Variants in ZNF682 observed in about 807,000 individuals in gnomAD.
The protein encoded by ZNF682 is zinc finger protein 682.
ZNF682 carries 29 observed loss-of-function variants against 36.5 expected under a neutral mutation model. That is an observed-to-expected ratio of 0.80 (90% confidence interval 0.59 to 1.08). The LOEUF (loss-of-function observed/expected upper bound fraction) is 1.08, where lower values mean the gene tolerates loss of function less well. Ranked by LOEUF, ZNF682 falls within the 50% of genes least tolerant of loss-of-function variation. The probability of loss-of-function intolerance (pLI) is 0.00; values close to 1 mark genes in which losing one functional copy is unlikely to be tolerated. For synonymous variants in ZNF682, 180 were observed against 197.0 expected (o/e 0.91, Z 0.72); for missense variants, 561 against 579.7 (o/e 0.97, Z 0.33).
chr19:20,000,583 T>C (rs538685645), downstream of ZNF682, among the ~76,000 whole-genome samples: 155 of 152,314 alleles, frequency 1.0e-3, 1 homozygote, highest in African/African-American at 3.4e-3. Flanking sequence ...GTTGAAACTC[T>C]TGTGGGTCTG....
intron 3 of ZNF682, among the ~76,000 whole-genome samples, chr19:20,013,832 G>A (rs1021009057): frequency 2.6e-5 from 4 of 152,134 alleles, no homozygotes; most frequent in Admixed American, 1.3e-4. Context: ...CGCCTGCATC[G>A]GCCTCCCAAA....
chr19:20,014,074 A>G (rs1041052399), intron 3 of ZNF682, among the ~76,000 whole-genome samples: 3 of 152,230 alleles, frequency 2.0e-5, no homozygotes, highest in African/African-American at 7.2e-5. Context: ...GTTCAGATTC[A>G]ATGCAATCCC....
intron 1 of ZNF682, among the ~76,000 whole-genome samples, chr19:20,035,298 T>A (rs1236742269): frequency 2.0e-5 from 3 of 152,176 alleles, no homozygotes; most frequent in Non-Finnish European, 4.4e-5. Context: ...TGATCTTGGC[T>A]TACTGCAACC....
intron 3 of ZNF682, among the ~76,000 whole-genome samples, chr19:20,014,959 C>A (rs1038498382): frequency 6.6e-6 from 1 of 151,992 alleles, no homozygotes; most frequent in Non-Finnish European, 1.5e-5. Flanking sequence ...AAGGGTCAGT[C>A]AAGGGGGAAA....
In ZNF682 at chr19:20,006,472, C is replaced by A; in HGVS notation, c.1030G>T (p.Glu344Ter). 6.2e-7 allele frequency: 1 copy of A among 1,614,030 alleles called. No homozygotes were observed. The highest frequency in any genetic ancestry group is 8.5e-7 in the Non-Finnish European group (1 of 1,180,010). ...THTGEKPYKCEECGKAFNSSS... is the reference protein window; with the variant it reads ...THTGEKPYKC ...GAGTTAAAAGCTTTGCCACATTCTT[C>A]ACATTTATAGGGTTTCTCTCCCGTA... Residue 344 changes from glutamate (E) to a stop codon, truncating the protein, a stop_gained, in exon 4 of 4, where the codon GAA (glutamate) becomes TAA (stop). Transcript: ENST00000397165. LOFTEE classifies it high-confidence loss of function.
chr19:20,005,284 C>G lies in ZNF682; in HGVS notation c.*721G>C, dbSNP rs140310616. ...TAGAGACAGGGTTTCATCGTGGTCT[C>G]GATCTCCTGACCTCGTGATCCGCCT... On this transcript the variant is annotated 3_prime_UTR_variant, in exon 4 of 4. Coordinates refer to ENST00000397165, the MANE Select transcript of ZNF682 (RefSeq NM_033196.3). 1 of 152,064 alleles carries G rather than the reference C, an allele frequency of 6.6e-6. No homozygotes were observed. The highest frequency in any genetic ancestry group is 1.5e-5 in the Non-Finnish European group (1 of 68,050). 9.4% of individuals were successfully genotyped at this position (152,064 alleles called of 1,614,324 possible).
At chr19:20,007,867 G>A (rs1568538368) in intron 3 of ZNF682, 1 of 153,316 alleles carries the variant, frequency 6.5e-6, no homozygotes, top group Admixed American at 6.5e-5. Flanking sequence ...CTTGCACTGA[G>A]GGGATCCATC....
chr19:20,039,155 T>TCC lies in ZNF682; in HGVS notation c.3+186_3+187dup. ...AACGGAACGGGATGCCCGCCCAGGGTCCCGGCTGCTGGCCCACCTCGCATC... is the reference window on the plus strand; with the variant it reads ...AACGGAACGGGATGCCCGCCCAGGGTCCCCCGGCTGCTGGCCCACCTCGCATC... On this transcript the variant is annotated intron_variant, in intron 1 of 3. Coordinates refer to ENST00000397165, the MANE Select transcript of ZNF682 (RefSeq NM_033196.3). The TCC allele has an allele frequency of 4.3e-6, 6 of 1,397,806 alleles. No individual in the cohort carries two copies. In the South Asian group the frequency reaches 9.8e-5, roughly 23 times the overall value. 86.6% of individuals were successfully genotyped at this position (1,397,806 alleles called of 1,614,324 possible). A position where few individuals can be genotyped will look rare whatever the true frequency, so the allele number is the denominator to read the frequency against.
At chr19:19,999,663 T>C (rs182546835), downstream of ZNF682, among the ~76,000 whole-genome samples, 124 of 152,188 alleles carry the variant, frequency 8.1e-4, 1 homozygote, top group Admixed American at 1.4e-3. Flanking sequence ...GCCTTCTGAG[T>C]AGCTGAAGTT....
At chr19:19,995,188 TAATATAATAAGCAAATC>T (rs763945471), downstream of ZNF682, among the ~76,000 whole-genome samples, 124 of 152,076 alleles carry the variant, frequency 8.2e-4, no homozygotes, top group Non-Finnish European at 1.5e-3. Context: ...AATAAACAAA[TAATATAATAAGCAAATC>T]AATATAATAA....
intron 1 of ZNF682, among the ~76,000 whole-genome samples, chr19:20,036,260 A>C (rs187218246): frequency 6.6e-6 from 1 of 152,142 alleles, no homozygotes; most frequent in Non-Finnish European, 1.5e-5. Flanking sequence ...CCAGATACTG[A>C]AGAGATACCC....
At chr19:20,027,110 T>G (rs902808523) in intron 1 of ZNF682, among the ~76,000 whole-genome samples, 1 of 152,334 alleles carries the variant, frequency 6.6e-6, no homozygotes, top group East Asian at 1.9e-4. Flanking sequence ...TGCTCTTCCC[T>G]TTGGGATTCC....
chr19:20,038,968 G>A (rs559194598), intron 1 of ZNF682, among the ~76,000 whole-genome samples: 8 of 152,326 alleles, frequency 5.3e-5, no homozygotes, highest in Admixed American at 5.2e-4. Flanking sequence ...AACAGGAGAA[G>A]GAAAAGACTG....
chr19:19,997,640 G>A (rs531172196), intron 3 of ZNF682, among the ~76,000 whole-genome samples: 1 of 152,330 alleles, frequency 6.6e-6, no homozygotes, highest in Non-Finnish European at 1.5e-5. Flanking sequence ...CAGTTTCCCT[G>A]GATGAGGGGT....
At chr19:20,012,767 CAAAA>C (rs35481536) in intron 3 of ZNF682, among the ~76,000 whole-genome samples, 2 of 83,734 alleles carry the variant, frequency 2.4e-5, no homozygotes, top group African/African-American at 4.7e-5. Context: ...GACTCCGTCT[CAAAA>C]AAAAAAAAAA....
intron 3 of ZNF682, among the ~76,000 whole-genome samples, chr19:19,997,821 CTG>C (rs1157924343): frequency 1.3e-5 from 2 of 152,186 alleles, no homozygotes; most frequent in Admixed American, 6.5e-5. Context: ...TAGCTTTGTT[CTG>C]TGAGGCTCCT....
intron 3 of ZNF682, among the ~76,000 whole-genome samples, chr19:20,017,149 G>A (rs2088341287): frequency 6.6e-6 from 1 of 152,114 alleles, no homozygotes; most frequent in Non-Finnish European, 1.5e-5. Flanking sequence ...GAGAGGAAAT[G>A]AGGGAAAACG....
chr19:20,001,829 A>T (rs1238344280), downstream of ZNF682, among the ~76,000 whole-genome samples: 4 of 152,208 alleles, frequency 2.6e-5, no homozygotes, highest in East Asian at 3.9e-4. Context: ...ATTAGGTCCC[A>T]TGCCAATGAA....
intron 3 of ZNF682, among the ~76,000 whole-genome samples, chr19:20,011,369 A>C (rs2088286642): frequency 6.6e-6 from 1 of 152,256 alleles, no homozygotes; most frequent in South Asian, 2.1e-4. Flanking sequence ...GCCACACAAT[A>C]ATAGCGGAAG....
Sources: allele counts gnomAD v4.1 joint callset (sites outside exome capture counted in the v4.1 genomes callset), GRCh38; gene constraint gnomAD v4.1.1; transcripts MANE v1.5; gene names NCBI Gene and HGNC (gene_info 2026-07-23, HGNC 2026-07-21).